PCDHGB6: variants seen among roughly 807,000 people sequenced by gnomAD.
PCDHGB6 encodes protocadherin gamma-B6.
In PCDHGB6, 51 loss-of-function variants were observed where a neutral mutation model predicts 59.1. The observed-to-expected ratio is 0.86, with a 90% CI of 0.69 to 1.09. PCDHGB6 has a LOEUF of 1.09. PCDHGB6 is among the 50% of genes least tolerant of loss of function. The pLI is 0.00. For missense variants in PCDHGB6, 1,148 were observed against 1,205.1 expected, an observed-to-expected ratio of 0.95 and a Z score of 0.70; for synonymous variants, 466 against 495.1, an observed-to-expected ratio of 0.94 and a Z score of 0.78.
Position 141,494,880 on chromosome 5 carries a change from C to T in PCDHGB6, c.2477+15C>T. On this transcript the variant is annotated intron_variant, in intron 2 of 3. Transcript: ENST00000520790. ...GGCACCAGCGGGTAGGTGACTGATT[C>T]TCCAGCCCACCCTCTTCTCTGCGGC... 3 of 1,614,158 alleles carry T rather than the reference C, an allele frequency of 1.9e-6. No homozygotes were observed. Among genetic ancestry groups the T allele is most frequent in the Non-Finnish European group, 1.7e-6 (2 of 1,180,012 alleles).
chr5:141,419,311 C>T (rs745852942), intron 1 of PCDHGB6: 4 of 1,613,876 alleles, frequency 2.5e-6, no homozygotes, highest in East Asian at 4.5e-5. Context: ...TCGGGCTCAA[C>T]GGCCGTGTCT....
chr5:141,502,062 A>G (rs530211521), intron 2 of PCDHGB6, among the ~76,000 whole-genome samples: 2 of 152,146 alleles, frequency 1.3e-5, no homozygotes, highest in South Asian at 4.2e-4. Flanking sequence ...TATTCCCATT[A>G]GCCCCCTTCA....
intron 1 of PCDHGB6, chr5:141,427,525 CG>C (rs996050026): frequency 4.9e-6 from 3 of 612,098 alleles, no homozygotes; most frequent in Non-Finnish European, 9.2e-6. Flanking sequence ...GAGCGGATCC[CG>C]GAGTACAACG....
chr5:141,495,642 C>T (rs1294293252), intron 2 of PCDHGB6, among the ~76,000 whole-genome samples: 1 of 152,208 alleles, frequency 6.6e-6, no homozygotes. Flanking sequence ...TTTCATTTGT[C>T]TACTTGCATT....
chr5:141,429,896 A>G (rs1307950556), intron 1 of PCDHGB6, among the ~76,000 whole-genome samples: 1 of 152,346 alleles, frequency 6.6e-6, no homozygotes, highest in South Asian at 2.1e-4. Flanking sequence ...TGAACAATAA[A>G]TATTTTTGAA....
chr5:141,477,059 A>G lies in PCDHGB6; in HGVS notation c.2419-17748A>G. On this transcript the variant is annotated intron_variant, in intron 1 of 3. Coordinates refer to ENST00000520790, the MANE Select transcript of PCDHGB6 (RefSeq NM_018926.3). This position sits in a 1 kb window ranked among gnomAD's most constrained non-coding sequence, Gnocchi z 4.9. ...CAAGGGTCGGCTGGACTTCGAGGAC[A>G]CCAAACTCCATGAGATTTACATCCA... The G allele has an allele frequency of 1.2e-6, 2 of 1,614,238 alleles. No individual in the cohort carries two copies. Among genetic ancestry groups the G allele is most frequent in the Non-Finnish European group, 1.7e-6 (2 of 1,180,036 alleles).
intron 1 of PCDHGB6, among the ~76,000 whole-genome samples, chr5:141,461,917 G>A (rs527287831): frequency 6.6e-6 from 1 of 152,098 alleles, no homozygotes; most frequent in South Asian, 2.1e-4. Flanking sequence ...TCTGCCTCCT[G>A]GGTTCCAGCA....
Position 141,477,749 on chromosome 5 carries a change from C to T in PCDHGB6, c.2419-17058C>T. The stretch of plus-strand genomic sequence containing the variant: ...AGCTCATATCAGCGATGGGGGCACC[C>T]CGGTCCTAGCCACCAACATCAGCGT... On this transcript the variant is annotated intron_variant, in intron 1 of 3. Transcript: ENST00000520790. The surrounding 1 kb of genome is among the most constrained non-coding windows in gnomAD (Gnocchi z 4.9). 1 of 1,613,904 alleles carries T rather than the reference C, an allele frequency of 6.2e-7. No homozygotes were observed. Among genetic ancestry groups the T allele is most frequent in the Non-Finnish European group, 8.5e-7 (1 of 1,180,030 alleles).
rs1488042504 is a variant in PCDHGB6, at chr5:141,511,552, T to C, written c.*379T>C. ...CCTCCTCCCCACCCCACTCCAACAG[T>C]TCCTCTTTCCCGAGTAAGGTGGTTG... On this transcript the variant is annotated 3_prime_UTR_variant, in exon 4 of 4. Coordinates refer to ENST00000520790, the MANE Select transcript of PCDHGB6 (RefSeq NM_018926.3). 1.3e-5 allele frequency: 4 copies of C among 304,316 alleles called. No individual in the cohort carries two copies. The highest frequency in any genetic ancestry group is 2.6e-5 in the Non-Finnish European group (4 of 156,548). The allele number at this position is 304,316 out of a possible 1,614,324, so 18.9% of individuals were successfully genotyped here.
In PCDHGB6 at chr5:141,493,164, T is replaced by C. The variant is rs558860783; in HGVS notation, c.2419-1643T>C. Among the ~76,000 whole-genome samples the C allele has an allele frequency of 4.6e-5, 7 of 152,340 alleles. 1 individual carries two copies. The South Asian group carries it at 1.2e-3, about 27-fold the overall frequency. On this transcript the variant is annotated intron_variant, in intron 1 of 3. Coordinates refer to ENST00000520790, the MANE Select transcript of PCDHGB6 (RefSeq NM_018926.3). The surrounding 1 kb of genome is among the most constrained non-coding windows in gnomAD (Gnocchi z 4.3). Reference sequence around the variant, plus strand: ...ACCCCCAGGTGATTTTGATAGCTGATTGAGAGAAACTTACTATATAACTCC... The same window carrying C: ...ACCCCCAGGTGATTTTGATAGCTGACTGAGAGAAACTTACTATATAACTCC...
intron 1 of PCDHGB6, chr5:141,419,434 G>A (rs372006900): frequency 2.5e-5 from 41 of 1,613,112 alleles, no homozygotes; most frequent in Non-Finnish European, 3.3e-5. Flanking sequence ...ACGAGCAGCT[G>A]CGCACCTTCG....
Position 141,486,785 on chromosome 5 carries a change from C to G in PCDHGB6, c.2419-8022C>G, listed in dbSNP as rs763174232. The G allele has an allele frequency of 2.8e-5, 45 of 1,614,102 alleles. No homozygotes were observed. The highest frequency in any genetic ancestry group is 3.6e-5 in the Non-Finnish European group (42 of 1,180,050). On this transcript the variant is annotated intron_variant, in intron 1 of 3. Coordinates refer to ENST00000520790, the MANE Select transcript of PCDHGB6 (RefSeq NM_018926.3). The surrounding 1 kb of genome is among the most constrained non-coding windows in gnomAD (Gnocchi z 5.0). ...GACACTGCAGTTTGAGGTGCAGGCC[C>G]GGGATCGGGGCAACCCACCCCTTAG... is the stretch of plus-strand genomic sequence containing the variant.
In PCDHGB6 at chr5:141,489,684, T is replaced by C. The variant is rs2099690710; in HGVS notation, c.2419-5123T>C. 1.2e-6 allele frequency: 2 copies of C among 1,614,062 alleles called. No individual in the cohort carries two copies. The highest frequency in any genetic ancestry group is 8.5e-7 in the Non-Finnish European group (1 of 1,180,034). On this transcript the variant is annotated intron_variant, in intron 1 of 3. Coordinates refer to ENST00000520790, the MANE Select transcript of PCDHGB6 (RefSeq NM_018926.3). This position sits in a 1 kb window ranked among gnomAD's most constrained non-coding sequence, Gnocchi z 4.5. ...TGCGCATCTCAGAATCAGCAGCATCTGGGGCACGATTCCCACTGGACAGTG... is the reference window on the plus strand; with the variant it reads ...TGCGCATCTCAGAATCAGCAGCATCCGGGGCACGATTCCCACTGGACAGTG...
At chr5:141,458,730 C>T (rs1239174331) in intron 1 of PCDHGB6, among the ~76,000 whole-genome samples, 1 of 151,928 alleles carries the variant, frequency 6.6e-6, no homozygotes, top group Non-Finnish European at 1.5e-5. Flanking sequence ...CCACCACATC[C>T]AGCTATTGGT....
chr5:141,423,317 C>T, intron 1 of PCDHGB6: 4 of 1,614,118 alleles, frequency 2.5e-6, no homozygotes, highest in Non-Finnish European at 3.4e-6. Flanking sequence ...TTGGTGGTGG[C>T]GGTGGCCGCA....
intron 1 of PCDHGB6, among the ~76,000 whole-genome samples, chr5:141,454,252 A>T (rs1288181537): frequency 6.6e-6 from 1 of 152,214 alleles, no homozygotes; most frequent in Non-Finnish European, 1.5e-5. Context: ...AAGATGTCCC[A>T]GAGAAAGTAA....
intron 2 of PCDHGB6, among the ~76,000 whole-genome samples, chr5:141,499,445 C>A (rs904360147): frequency 1.3e-5 from 2 of 152,062 alleles, no homozygotes; most frequent in African/African-American, 4.8e-5. Flanking sequence ...AAAGGAAAAC[C>A]ACCCATCATT....
chr5:141,410,820 T>A (rs1032991309), intron 1 of PCDHGB6, 200 bp downstream of exon 1: 14 of 524,668 alleles, frequency 2.7e-5, no homozygotes, highest in Non-Finnish European at 4.1e-5. Context: ...TAAAATAATG[T>A]CACCAGACTG....
Position 141,477,200 on chromosome 5 carries a change from C to T in PCDHGB6, c.2419-17607C>T. ...AGTCACCTCCGTGTACAGCCCAGTACCCGAGGATGCCCCTCTGGGGACTGT... is the reference window on the plus strand; with the variant it reads ...AGTCACCTCCGTGTACAGCCCAGTATCCGAGGATGCCCCTCTGGGGACTGT... On this transcript the variant is annotated intron_variant, in intron 1 of 3. Transcript: ENST00000520790. This position sits in a 1 kb window ranked among gnomAD's most constrained non-coding sequence, Gnocchi z 4.9. The T allele has an allele frequency of 1.2e-6, 2 of 1,614,206 alleles. No individual in the cohort carries two copies. The highest frequency in any genetic ancestry group is 1.3e-5 in the African/African-American group (1 of 75,056).
Sources: gnomAD v4.1 joint callset for allele counts (sites outside exome capture counted in the v4.1 genomes callset) on GRCh38, gnomAD v4.1.1 for gene constraint, Gnocchi (gnomAD v3.1) non-coding constraint, MANE v1.5 for transcripts, NCBI Gene and HGNC (gene_info 2026-07-23, HGNC 2026-07-21) for gene names.